The following CACNA1E variants were observed in gnomAD, a reference collection of about 807,000 sequenced individuals.
CACNA1E encodes the protein voltage-dependent R-type calcium channel subunit alpha-1E.
CACNA1E carries 40 observed loss-of-function variants against 259.2 expected under a neutral mutation model. The observed-to-expected ratio is 0.15, with a 90% CI of 0.12 to 0.20. CACNA1E has a LOEUF of 0.20. CACNA1E is among the 10% of genes least tolerant of loss of function. The pLI, the probability that CACNA1E is intolerant of heterozygous loss-of-function variation, is 1.00. For missense variants in CACNA1E, 1,874 were observed against 3,040.1 expected (o/e 0.62, Z 9.02); for synonymous variants, 1,104 against 1,138.5 (o/e 0.97, Z 0.61).
chr1:181,344,325 T>C (rs1379122152), intron 1 of CACNA1E, among the ~76,000 whole-genome samples: 1 of 152,222 alleles, frequency 6.6e-6, no homozygotes, highest in Non-Finnish European at 1.5e-5. Context: ...CAGGCACTGC[T>C]CTTTCTCTCC....
At chr1:181,366,831 T>C (rs1654303433) in intron 1 of CACNA1E, among the ~76,000 whole-genome samples, 1 of 152,236 alleles carries the variant, frequency 6.6e-6, no homozygotes, top group South Asian at 2.1e-4. Flanking sequence ...GCTATCATCC[T>C]TTGAAGACCC....
intron 6 of CACNA1E, among the ~76,000 whole-genome samples, chr1:181,634,875 G>A (rs1041779789): frequency 2.0e-5 from 3 of 152,218 alleles, no homozygotes; most frequent in South Asian, 4.2e-4. Flanking sequence ...CCCCCACTTC[G>A]CTGTGCCTTC....
Position 181,682,901 on chromosome 1 carries a change from CAGT to C in CACNA1E, c.1056-28052_1056-28050del, listed in dbSNP as rs149273809. Among the ~76,000 whole-genome samples, 747 of 152,330 alleles carry C rather than the reference CAGT, an allele frequency of 4.9e-3. 8 individuals carry two copies. Among genetic ancestry groups the C allele is most frequent in the African/African-American group, 0.018 (733 of 41,560 alleles). On this transcript the variant is annotated intron_variant, in intron 7 of 47. Transcript: ENST00000367573. ...GTCACCTTCCACCAGGCCCCACCTC[CAGT>C]GTTGGGGATTACAGCTTGACATGAG...
At chr1:181,633,144 C>T (rs76504942) in intron 6 of CACNA1E, among the ~76,000 whole-genome samples, 4,447 of 152,126 alleles carry the variant, frequency 0.029, 239 homozygotes, top group African/African-American at 0.1. Flanking sequence ...AAGGCTGACT[C>T]GCACCACCAG....
At chr1:181,357,072 T>C (rs542563395) in intron 1 of CACNA1E, among the ~76,000 whole-genome samples, 10 of 152,260 alleles carry the variant, frequency 6.6e-5, no homozygotes, top group African/African-American at 2.4e-4. Context: ...GCGAATGTGA[T>C]TGCTTCCATT....
rs551227524 is a variant in CACNA1E at position 181,403,552 on chromosome 1, G to C, written c.-14-9581G>C. Among the ~76,000 whole-genome samples, 18 of 152,186 alleles carry C rather than the reference G, an allele frequency of 1.2e-4. No individual in the cohort carries two copies. The East Asian group carries it at 3.5e-3, about 29-fold the overall frequency. ...ACCAAGAATTTTATGCAAAAGTGAA[G>C]TCTCAGTGTCCATTTATAGAGGATG... On this transcript the variant is annotated intron_variant, in intron 1 of 11. Transcript: ENST00000524607.
At chr1:181,381,766 A>G (rs1028415312) in intron 1 of CACNA1E, among the ~76,000 whole-genome samples, 2 of 152,224 alleles carry the variant, frequency 1.3e-5, no homozygotes, top group African/African-American at 4.8e-5. Context: ...GTGAGGTTGT[A>G]AGCTTATGAA....
At chr1:181,427,825 A>G (rs557693687) in intron 2 of CACNA1E, among the ~76,000 whole-genome samples, 72 of 147,338 alleles carry the variant, frequency 4.9e-4, no homozygotes, top group Non-Finnish European at 8.3e-4. Flanking sequence ...TGTGATGAAC[A>G]TGAAATTATA....
intron 6 of CACNA1E, among the ~76,000 whole-genome samples, chr1:181,587,654 C>T (rs1002506474): frequency 6.6e-6 from 1 of 152,024 alleles, no homozygotes; most frequent in Non-Finnish European, 1.5e-5. Context: ...GAGGCCGAGG[C>T]GGGCGGATCA....
intron 3 of CACNA1E, among the ~76,000 whole-genome samples, chr1:181,552,810 T>C (rs1291051976): frequency 6.6e-6 from 1 of 151,470 alleles, no homozygotes; most frequent in East Asian, 1.9e-4. Context: ...GGGACATGGA[T>C]ATTTTGGTGT....
At chr1:181,737,442 C>A in intron 22 of CACNA1E, 83 bp from the exon 23 acceptor site, 1 of 1,509,888 alleles carries the variant, frequency 6.6e-7, no homozygotes, top group Non-Finnish European at 9.1e-7. Flanking sequence ...CTGGAAGGGG[C>A]CAATATGTGT....
At chr1:181,736,232 A>G in intron 21 of CACNA1E, 43 bp from the exon 22 acceptor site, 2 of 1,543,412 alleles carry the variant, frequency 1.3e-6, no homozygotes, top group Non-Finnish European at 1.8e-6. Context: ...CCATTTTCAC[A>G]TGCCTCATGA....
At chr1:181,739,328 C>A in intron 25 of CACNA1E, 75 bp downstream of exon 25, 1 of 1,011,264 alleles carries the variant, frequency 9.9e-7, no homozygotes, top group African/African-American at 1.6e-5. Flanking sequence ...GAAGCCCTTT[C>A]CAGAAATGCA....
intron 1 of CACNA1E, among the ~76,000 whole-genome samples, chr1:181,387,692 G>A (rs962927067): frequency 2.0e-4 from 31 of 152,236 alleles, no homozygotes; most frequent in African/African-American, 7.2e-4. Flanking sequence ...TAATTTTAGT[G>A]TTGGAACAGG....
At chr1:181,422,173 A>G (rs1486215125) in intron 2 of CACNA1E, among the ~76,000 whole-genome samples, 1 of 152,218 alleles carries the variant, frequency 6.6e-6, no homozygotes, top group Non-Finnish European at 1.5e-5. Flanking sequence ...AGTCTAAAAT[A>G]GACACCTGGT....
At chr1:181,765,672 G>A (rs1658955843) in intron 34 of CACNA1E, among the ~76,000 whole-genome samples, 1 of 152,190 alleles carries the variant, frequency 6.6e-6, no homozygotes, top group African/African-American at 2.4e-5. Context: ...AAGACAGGGT[G>A]GAGACTCCTC....
intron 7 of CACNA1E, among the ~76,000 whole-genome samples, chr1:181,690,752 G>A (rs1233076194): frequency 6.6e-6 from 1 of 151,994 alleles, no homozygotes; most frequent in Non-Finnish European, 1.5e-5. Flanking sequence ...TGAATGGGAG[G>A]TCACTCATGA....
At chr1:181,513,414 T>C (rs995875836) in intron 3 of CACNA1E, among the ~76,000 whole-genome samples, 13 of 152,266 alleles carry the variant, frequency 8.5e-5, no homozygotes, top group Non-Finnish European at 1.6e-4. Flanking sequence ...TAAGTAGATG[T>C]ACACATCTTG....
intron 3 of CACNA1E, among the ~76,000 whole-genome samples, chr1:181,572,181 C>T (rs185532198): frequency 2.8e-4 from 43 of 152,252 alleles, no homozygotes; most frequent in Admixed American, 3.9e-4. Flanking sequence ...CCTGGATTGA[C>T]AAGGAGGCTA....
Sources: gnomAD v4.1 joint callset for allele counts (sites outside exome capture counted in the v4.1 genomes callset) on GRCh38, gnomAD v4.1.1 for gene constraint, MANE v1.5 for transcripts, NCBI Gene and HGNC (gene_info 2026-07-23, HGNC 2026-07-21) for gene names.